Variants in CPT1A observed in about 807,000 individuals in gnomAD.
CPT1A encodes carnitine palmitoyltransferase 1A, also known as carnitine O-palmitoyltransferase 1, liver isoform.
A neutral mutation model predicts 100.8 loss-of-function variants in CPT1A; 64 were observed. The ratio of observed to expected loss-of-function variants is 0.63; its 90% CI spans 0.52 to 0.78. The LOEUF (loss-of-function observed/expected upper bound fraction) is 0.78. CPT1A is among the 30% of genes least tolerant of loss of function. CPT1A has a pLI of 0.00. For synonymous variants in CPT1A, 363 were observed against 396.0 expected (o/e 0.92, Z 0.99); for missense variants, 802 against 1,034.1 (o/e 0.78, Z 3.08).
chr11:68,796,799 G>A (rs557561356), intron 7 of CPT1A, 57 bp downstream of exon 7: 2 of 1,560,648 alleles, frequency 1.3e-6, no homozygotes, highest in Admixed American at 1.8e-5. Context: ...CACCTCTGTG[G>A]ACAGACCCGC....
chr11:68,764,744 G>A (rs958420246), intron 14 of CPT1A, among the ~76,000 whole-genome samples: 11 of 152,338 alleles, frequency 7.2e-5, no homozygotes, highest in African/African-American at 1.4e-4. Flanking sequence ...AGAAGGAAGC[G>A]TCCAGAACCA....
intron 13 of CPT1A, among the ~76,000 whole-genome samples, chr11:68,774,065 T>C (rs1051733694): frequency 1.3e-5 from 2 of 152,216 alleles, no homozygotes; most frequent in African/African-American, 4.8e-5. Context: ...CACAAGACCC[T>C]GGACGCATGC....
At chr11:68,831,193 C>T (rs1856867092) in intron 1 of CPT1A, among the ~76,000 whole-genome samples, 1 of 152,148 alleles carries the variant, frequency 6.6e-6, no homozygotes. Flanking sequence ...AAGTCATTGG[C>T]CTATGAATCC....
rs1211665230 is a variant in CPT1A, at chr11:68,799,322, C to A, written c.589G>T (p.Glu197Ter). The A allele has an allele frequency of 6.2e-7, 1 of 1,613,880 alleles. No individual in the cohort carries two copies. ...AGTGCTGTCATCCGTTTGAAGTCTTCTTCCTTCATAAGAGGCCTCACCGAC... is the reference window on the plus strand; with the variant it reads ...AGTGCTGTCATCCGTTTGAAGTCTTATTCCTTCATAAGAGGCCTCACCGAC... ...LQSVRPLMKE[E>*]DFKRMTALAQ... Residue 197 changes from glutamate to a stop codon, truncating the protein, a stop_gained, in exon 6 of 19, where the codon GAA (glutamate) becomes TAA (stop). Transcript: ENST00000265641. LOFTEE classifies it high-confidence loss of function.
intron 9 of CPT1A, among the ~76,000 whole-genome samples, chr11:68,789,685 A>G (rs1182380750): frequency 6.6e-6 from 1 of 152,146 alleles, no homozygotes; most frequent in Non-Finnish European, 1.5e-5. Flanking sequence ...TACAGGCGTG[A>G]GCCACCACTC....
chr11:68,822,054 AAC>A lies in CPT1A; in HGVS notation c.-13-6569_-13-6568del, dbSNP rs1245493617. Among the ~76,000 whole-genome samples, 4 of 152,262 alleles carry A rather than the reference AAC, an allele frequency of 2.6e-5. No homozygotes were observed. In the East Asian group the frequency reaches 7.7e-4, roughly 29 times the overall value. On this transcript the variant is annotated intron_variant, in intron 1 of 18. Transcript: ENST00000265641. ...GTCAAATGGTGCAGCCACGTTGGCA[AAC>A]AGTCTGTCCGTTCCTCAAAAGCTTA...
chr11:68,817,465 T>C (rs945815455), intron 1 of CPT1A, among the ~76,000 whole-genome samples: 5 of 152,156 alleles, frequency 3.3e-5, no homozygotes, highest in Admixed American at 1.3e-4. Context: ...AAGGTCCCTC[T>C]GCCCTCCCAC....
chr11:68,797,494 G>A (rs1212935423), intron 6 of CPT1A, among the ~76,000 whole-genome samples: 1 of 151,996 alleles, frequency 6.6e-6, no homozygotes, highest in Non-Finnish European at 1.5e-5. Flanking sequence ...AACATAGCAA[G>A]GTTCCATCTC....
chr11:68,773,668 T>G, intron 13 of CPT1A: 1 of 527,886 alleles, frequency 1.9e-6, no homozygotes, highest in Non-Finnish European at 3.3e-6. Flanking sequence ...AGGAGAGGGC[T>G]TCCTCCGACA....
chr11:68,766,827 A>G (rs369119565), intron 14 of CPT1A, among the ~76,000 whole-genome samples: 24 of 18,920 alleles, frequency 1.3e-3, no homozygotes, highest in African/African-American at 2.1e-3. Flanking sequence ...ATCAAGGAGG[A>G]AAAAAAAAAA....
rs186991717 is a variant in CPT1A, at chr11:68,774,664, C to T, written c.1575+652G>A. The stretch of plus-strand genomic sequence containing the variant: ...CACCATGGTGGCAGGCACCTGTAAT[C>T]CTAGCTACTTGGGAGGCTGAAGCAG... On this transcript the variant is annotated intron_variant, in intron 13 of 18. Coordinates refer to ENST00000265641, the MANE Select transcript of CPT1A (RefSeq NM_001876.4). 2.7e-3 allele frequency among the ~76,000 whole-genome samples: 407 copies of T among 151,186 alleles called. 2 individuals are homozygous for T. Among genetic ancestry groups the T allele is most frequent in the African/African-American group, 9.5e-3 (393 of 41,258 alleles).
chr11:68,809,725 C>A (rs1856146308), intron 3 of CPT1A, among the ~76,000 whole-genome samples: 1 of 152,204 alleles, frequency 6.6e-6, no homozygotes, highest in Non-Finnish European at 1.5e-5. Flanking sequence ...CTTAACCCGG[C>A]CTTTCTAAAT....
chr11:68,754,765 A>G (rs1179778195), downstream of CPT1A: 2 of 779,608 alleles, frequency 2.6e-6, no homozygotes, highest in Admixed American at 3.4e-5. Flanking sequence ...GGTGATGTCC[A>G]TGGTCTCCTC....
chr11:68,794,349 T>C (rs540104428), intron 8 of CPT1A, among the ~76,000 whole-genome samples: 4 of 152,326 alleles, frequency 2.6e-5, no homozygotes, highest in South Asian at 2.1e-4. Context: ...ACTGCAGTGA[T>C]GATGGTTTCT....
chr11:68,762,018 C>T (rs969591769), intron 15 of CPT1A, among the ~76,000 whole-genome samples: 3 of 152,204 alleles, frequency 2.0e-5, no homozygotes, highest in Non-Finnish European at 2.9e-5. Flanking sequence ...CAGCAGAAAG[C>T]ACCTGCACGC....
intron 14 of CPT1A, among the ~76,000 whole-genome samples, chr11:68,764,843 C>T (rs1050348841): frequency 7.9e-5 from 12 of 152,352 alleles, no homozygotes; most frequent in South Asian, 6.2e-4. Context: ...GTCTAGAGAC[C>T]GTGGGAGCAC....
At chr11:68,798,157 T>C (rs968931123) in intron 6 of CPT1A, among the ~76,000 whole-genome samples, 2 of 152,150 alleles carry the variant, frequency 1.3e-5, no homozygotes, top group South Asian at 2.1e-4. Flanking sequence ...CCAGAGGCAG[T>C]GCCCCCCAAC....
chr11:68,807,365 T>G, intron 4 of CPT1A, 102 bp downstream of exon 4: 2 of 1,204,128 alleles, frequency 1.7e-6, no homozygotes, highest in Non-Finnish European at 2.4e-6. Context: ...CAACCAAGCA[T>G]AGAGGGAGAA....
intron 1 of CPT1A, among the ~76,000 whole-genome samples, chr11:68,823,154 G>A (rs1856630940): frequency 6.6e-6 from 1 of 152,052 alleles, no homozygotes; most frequent in African/African-American, 2.4e-5. Context: ...GGAGGCTGAG[G>A]TGGGAGGATC....
Sources: allele counts gnomAD v4.1 joint callset (sites outside exome capture counted in the v4.1 genomes callset), GRCh38; gene constraint gnomAD v4.1.1; transcripts MANE v1.5; gene names NCBI Gene and HGNC (gene_info 2026-07-23, HGNC 2026-07-21).